The following FOXL2NB variants were observed in gnomAD, a reference collection of about 807,000 sequenced individuals.
The protein encoded by FOXL2NB is FOXL2 neighbor, also known as FOXL2 neighbor protein.
FOXL2NB carries 10 observed loss-of-function variants against 7.4 expected under a neutral mutation model. The observed-to-expected ratio is 1.34, with a 90% CI of 0.83 to 2.28. The LOEUF is 2.28. Ranked by LOEUF, FOXL2NB falls within the 30% of genes most tolerant of loss-of-function variation. FOXL2NB has a pLI of 0.00. For synonymous variants in FOXL2NB, 104 were observed against 105.3 expected (o/e 0.99, Z 0.08); for missense variants, 228 against 233.9 (o/e 0.97, Z 0.17).
chr3:138,947,313 C>A lies in FOXL2NB; in HGVS notation c.-52C>A. On this transcript the variant is annotated 5_prime_UTR_variant, in exon 1 of 3. Transcript: ENST00000383165. This position sits in a 1 kb window ranked among gnomAD's most constrained non-coding sequence, Gnocchi z 5.2. The stretch of plus-strand genomic sequence containing the variant: ...CTCAGGGGCCCAGCCGACAGCCAGG[C>A]TCACGCGCCCTTGAAATCTGCCGGT... 6.9e-7 allele frequency: 1 copy of A among 1,441,688 alleles called. No homozygotes were observed. The highest frequency in any genetic ancestry group is 9.5e-7 in the Non-Finnish European group (1 of 1,057,124). The allele number at this position is 1,441,688 out of a possible 1,614,324, so 89.3% of individuals were successfully genotyped here.
rs868263406 is a variant in FOXL2NB, at chr3:138,949,815, C to T, written c.220+176C>T. 2 of 879,784 alleles carry T rather than the reference C, an allele frequency of 2.3e-6. No homozygotes were observed. Among genetic ancestry groups the T allele is most frequent in the South Asian group, 2.8e-5 (2 of 71,368 alleles). 54.5% of individuals were successfully genotyped at this position (879,784 alleles called of 1,614,324 possible). ...GAACCGGGCGCTCCAGGAAACGGTG[C>T]GGGGCGCCCTGATTTACTTCTCAAC... On this transcript the variant is annotated intron_variant, in intron 2 of 2. Coordinates refer to ENST00000383165, the MANE Select transcript of FOXL2NB (RefSeq NM_001040061.3). This position sits in a 1 kb window ranked among gnomAD's most constrained non-coding sequence, Gnocchi z 4.5.
intron 1 of FOXL2NB, among the ~76,000 whole-genome samples, chr3:138,948,507 C>A (rs1576471442): frequency 6.6e-6 from 1 of 152,232 alleles, no homozygotes; most frequent in Non-Finnish European, 1.5e-5. Flanking sequence ...TGTTTTGAAT[C>A]CTCAAGCCCC....
rs376474965 is a variant in FOXL2NB at position 138,949,587 on chromosome 3, C to G, written c.168C>G (p.Leu56=). 5 of 1,613,646 alleles carry G rather than the reference C, an allele frequency of 3.1e-6. No homozygotes were observed. The highest frequency in any genetic ancestry group is 4.2e-6 in the Non-Finnish European group (5 of 1,179,656). ...CCCTGGGAAGGGCTGGAATCGGTCT[C>G]CCCAAGATGTGCCTTCACATGGCTG... The part of the protein sequence containing the change: ...ACTLGRAGIG[L]PKMCLHMAVR... The change falls in exon 2 of 3, where the codon CTC becomes CTG. Residue 56 remains leucine, a synonymous_variant. Coordinates refer to ENST00000383165, the MANE Select transcript of FOXL2NB (RefSeq NM_001040061.3). This position sits in a 1 kb window ranked among gnomAD's most constrained non-coding sequence, Gnocchi z 4.5.
chr3:138,950,576 A>G lies in FOXL2NB; in HGVS notation c.*4A>G. 6.2e-7 allele frequency: 1 copy of G among 1,613,712 alleles called. No homozygotes were observed. Among genetic ancestry groups the G allele is most frequent in the Non-Finnish European group, 8.5e-7 (1 of 1,179,936 alleles). The stretch of plus-strand genomic sequence containing the variant: ...GAAGCTTCACTGTGTCTATTAGTAC[A>G]TCCCCATACACTCCACGCCTCAACA... On this transcript the variant is annotated 3_prime_UTR_variant, in exon 3 of 3. Transcript: ENST00000383165.
rs1936057305 is a variant in FOXL2NB at position 138,949,039 on chromosome 3, C to T, written c.101-481C>T. Among the ~76,000 whole-genome samples the T allele has an allele frequency of 6.6e-6, 1 of 152,182 alleles. No individual in the cohort carries two copies. The highest frequency in any genetic ancestry group is 6.5e-5 in the Admixed American group (1 of 15,286). ...AGATGTTTTTCTTCTTCCTTACCCCCATCCTTGCCCAAGCTTTGGGTGGGA... is the reference window on the plus strand; with the variant it reads ...AGATGTTTTTCTTCTTCCTTACCCCTATCCTTGCCCAAGCTTTGGGTGGGA... On this transcript the variant is annotated intron_variant, in intron 1 of 2. Transcript: ENST00000383165. The surrounding 1 kb of genome is among the most constrained non-coding windows in gnomAD (Gnocchi z 4.5).
Position 138,949,479 on chromosome 3 carries a change from C to T in FOXL2NB, c.101-41C>T. On this transcript the variant is annotated intron_variant, in intron 1 of 2. Transcript: ENST00000383165. The surrounding 1 kb of genome is among the most constrained non-coding windows in gnomAD (Gnocchi z 4.5). The stretch of plus-strand genomic sequence containing the variant: ...ATTTTCAGAATAGAAAGGAGTTCTG[C>T]TCTGAAAATACTGATTTCTGACTGT... 1 of 1,612,404 alleles carries T rather than the reference C, an allele frequency of 6.2e-7. No homozygotes were observed. The highest frequency in any genetic ancestry group is 8.5e-7 in the Non-Finnish European group (1 of 1,179,300).
Position 138,949,391 on chromosome 3 carries a change from CGTGTGT to C in FOXL2NB, c.101-108_101-103del, listed in dbSNP as rs5852928. The C allele has an allele frequency of 1.8e-4, 147 of 817,690 alleles. No homozygotes were observed. The highest frequency in any genetic ancestry group is 3.5e-4 in the Middle Eastern group (1 of 2,824). The allele number at this position is 817,690 out of a possible 1,614,324, so 50.7% of individuals were successfully genotyped here. ...AAGAGCCTGTGTGTGTATGCATGTG[CGTGTGT>C]GTGTGTGTGTGTGTGTGTGTAGGGG... is the stretch of plus-strand genomic sequence containing the variant. On this transcript the variant is annotated intron_variant, in intron 1 of 2. Transcript: ENST00000383165. The surrounding 1 kb of genome is among the most constrained non-coding windows in gnomAD (Gnocchi z 4.5).
chr3:138,949,769 C>T lies in FOXL2NB; in HGVS notation c.220+130C>T. On this transcript the variant is annotated intron_variant, in intron 2 of 2. Coordinates refer to ENST00000383165, the MANE Select transcript of FOXL2NB (RefSeq NM_001040061.3). This position sits in a 1 kb window ranked among gnomAD's most constrained non-coding sequence, Gnocchi z 4.5. ...GGGAGAGAACAGAATCCTCTCCTTG[C>T]CGGCCCAGCCAGAGGTGGGTGAACC... The T allele has an allele frequency of 1.5e-6, 2 of 1,373,898 alleles. No homozygotes were observed. Among genetic ancestry groups the T allele is most frequent in the Non-Finnish European group, 1.0e-6 (1 of 982,864 alleles). The allele number at this position is 1,373,898 out of a possible 1,614,324, so 85.1% of individuals were successfully genotyped here. A position where few individuals can be genotyped will look rare whatever the true frequency, so the allele number is the denominator to read the frequency against.
Position 138,947,402 on chromosome 3 carries a change from C to G in FOXL2NB, c.38C>G (p.Pro13Arg). The change falls in exon 1 of 3, where the codon CCA becomes CGA. Residue 13 changes from proline to arginine, a missense_variant. Physicochemically the swap from Pro to Arg is moderately radical, Grantham distance 103. Transcript: ENST00000383165. The surrounding 1 kb of genome is among the most constrained non-coding windows in gnomAD (Gnocchi z 5.2). The stretch of plus-strand genomic sequence containing the variant: ...CCGGTGGGGTCTGCCCGCACCCGGC[C>G]AAAGCCCAGGAAGCTCGGGCCCCAG... ...RTPVGSARTR[P>R]KPRKLGPQRG... is the part of the protein sequence containing the mutation. 6.5e-7 allele frequency: 1 copy of G among 1,546,674 alleles called. No individual in the cohort carries two copies. The highest frequency in any genetic ancestry group is 8.7e-7 in the Non-Finnish European group (1 of 1,144,602).
Position 138,949,770 on chromosome 3 carries a change from C to G in FOXL2NB, c.220+131C>G, listed in dbSNP as rs780888897. 5.1e-6 allele frequency: 7 copies of G among 1,374,744 alleles called. No homozygotes were observed. In the South Asian group the frequency reaches 5.9e-5, roughly 12 times the overall value. The allele number at this position is 1,374,744 out of a possible 1,614,324, so 85.2% of individuals were successfully genotyped here. On this transcript the variant is annotated intron_variant, in intron 2 of 2. Transcript: ENST00000383165. The surrounding 1 kb of genome is among the most constrained non-coding windows in gnomAD (Gnocchi z 4.5). Reference sequence around the variant, plus strand: ...GGAGAGAACAGAATCCTCTCCTTGCCGGCCCAGCCAGAGGTGGGTGAACCG... The same window carrying G: ...GGAGAGAACAGAATCCTCTCCTTGCGGGCCCAGCCAGAGGTGGGTGAACCG...
In FOXL2NB at chr3:138,948,919, G is replaced by GT. The variant is rs760867983; in HGVS notation, c.101-593dup. 2.4e-3 allele frequency among the ~76,000 whole-genome samples: 364 copies of GT among 152,222 alleles called. 6 individuals carry two copies. The highest frequency in any genetic ancestry group is 7.8e-3 in the African/African-American group (324 of 41,536). On this transcript the variant is annotated intron_variant, in intron 1 of 2. Transcript: ENST00000383165. ...GCAAGGCTATCCCCAAAGTAGCTTG[G>GT]TTTTTTTTATGGGCGGTCTCCCACT...
Position 138,949,558 on chromosome 3 carries a change from T to G in FOXL2NB, c.139T>G (p.Cys47Gly), listed in dbSNP as rs72976938. Residue 47 changes from cysteine (C) to glycine (G), a missense_variant, in exon 2 of 3, where the codon TGC (cysteine) becomes GGC (glycine). By Grantham distance (159) the Cys-to-Gly change is radical. Transcript: ENST00000383165. The surrounding 1 kb of genome is among the most constrained non-coding windows in gnomAD (Gnocchi z 4.5). ...GGTGAAGAAGAGGATGCCTGATGCG[T>G]GCACCCTGGGAAGGGCTGGAATCGG... ...ALVKKRMPDA[C>G]TLGRAGIGLP... is the part of the protein sequence containing the mutation. 4.2e-4 allele frequency: 671 copies of G among 1,614,124 alleles called. 2 individuals carry two copies. In the African/African-American group the frequency reaches 8.2e-3, roughly 20 times the overall value.
chr3:138,947,932 A>G lies in FOXL2NB; in HGVS notation c.100+468A>G, dbSNP rs977392362. The stretch of plus-strand genomic sequence containing the variant: ...GTGTATGTGTGTGCACAGGGGTCAC[A>G]TATGGAAGTCATGGAGAGGAGCTGT... On this transcript the variant is annotated intron_variant, in intron 1 of 2. Transcript: ENST00000383165. This position sits in a 1 kb window ranked among gnomAD's most constrained non-coding sequence, Gnocchi z 5.2. 6.1e-6 allele frequency: 6 copies of G among 986,768 alleles called. No homozygotes were observed. The African/African-American group carries it at 7.0e-5, about 11-fold the overall frequency. 61.1% of individuals were successfully genotyped at this position (986,768 alleles called of 1,614,324 possible).
At chr3:138,950,226 CAATCT>C (rs1936098433) in intron 2 of FOXL2NB, 34 bp from the exon 3 acceptor site, 1 of 1,574,620 alleles carries the variant, frequency 6.4e-7, no homozygotes, top group African/African-American at 1.4e-5. Context: ...CCGGCGCGAG[CAATCT>C]ACACGGCTCT....
chr3:138,947,718 G>C lies in FOXL2NB; in HGVS notation c.100+254G>C, dbSNP rs1936018784. 1.2e-5 allele frequency: 15 copies of C among 1,225,602 alleles called. No homozygotes were observed. In the South Asian group the frequency reaches 3.8e-4, roughly 31 times the overall value. 75.9% of individuals were successfully genotyped at this position (1,225,602 alleles called of 1,614,324 possible). A position where few individuals can be genotyped will look rare whatever the true frequency, so the allele number is the denominator to read the frequency against. ...GGGGAGAGGATCTCTGGAAATAGTC[G>C]TCAGGGGCGCCGCCTGAATCACCTC... On this transcript the variant is annotated intron_variant, in intron 1 of 2. Coordinates refer to ENST00000383165, the MANE Select transcript of FOXL2NB (RefSeq NM_001040061.3). The surrounding 1 kb of genome is among the most constrained non-coding windows in gnomAD (Gnocchi z 5.2).
In FOXL2NB at chr3:138,949,416, GTA is replaced by G; in HGVS notation, c.101-103_101-102del. On this transcript the variant is annotated intron_variant, in intron 1 of 2. Transcript: ENST00000383165. This position sits in a 1 kb window ranked among gnomAD's most constrained non-coding sequence, Gnocchi z 4.5. The stretch of plus-strand genomic sequence containing the variant: ...CGTGTGTGTGTGTGTGTGTGTGTGT[GTA>G]GGGGTTGGGGGCAAATGAAGGAGTT... 1.3e-5 allele frequency: 16 copies of G among 1,246,466 alleles called. No homozygotes were observed. The highest frequency in any genetic ancestry group is 2.8e-5 in the South Asian group (2 of 72,696). The allele number at this position is 1,246,466 out of a possible 1,614,324, so 77.2% of individuals were successfully genotyped here. A position where few individuals can be genotyped will look rare whatever the true frequency, so the allele number is the denominator to read the frequency against.
chr3:138,947,703 T>G lies in FOXL2NB; in HGVS notation c.100+239T>G. ...GGCTGGAATGGGGCAGGGGAGAGGA[T>G]CTCTGGAAATAGTCGTCAGGGGCGC... On this transcript the variant is annotated intron_variant, in intron 1 of 2. Transcript: ENST00000383165. This position sits in a 1 kb window ranked among gnomAD's most constrained non-coding sequence, Gnocchi z 5.2. 3.2e-6 allele frequency: 4 copies of G among 1,259,242 alleles called. No individual in the cohort carries two copies. The highest frequency in any genetic ancestry group is 3.0e-6 in the Non-Finnish European group (3 of 1,002,780). 78.0% of individuals were successfully genotyped at this position (1,259,242 alleles called of 1,614,324 possible). A position where few individuals can be genotyped will look rare whatever the true frequency, so the allele number is the denominator to read the frequency against.
chr3:138,950,975 G>A lies in FOXL2NB; in HGVS notation c.*403G>A. 4.2e-6 allele frequency: 1 copy of A among 240,128 alleles called. No homozygotes were observed. The highest frequency in any genetic ancestry group is 5.2e-5 in the South Asian group (1 of 19,234). 14.9% of individuals were successfully genotyped at this position (240,128 alleles called of 1,614,324 possible). ...TCCTTGGCCTGTGATTCGGGTGACT[G>A]GGCTGCCACCTGGGTGTTTTCATGA... On this transcript the variant is annotated 3_prime_UTR_variant, in exon 3 of 3. Coordinates refer to ENST00000383165, the MANE Select transcript of FOXL2NB (RefSeq NM_001040061.3).
Position 138,950,300 on chromosome 3 carries a change from G to A in FOXL2NB, c.256G>A (p.Ala86Thr). ...GILQQRQKPP[A>T]PRASGGPALL... ...CCTGCAACAGCGGCAGAAGCCGCCC[G>A]CGCCTCGGGCTTCCGGCGGCCCAGC... Residue 86 changes from alanine (A) to threonine (T), a missense_variant, in exon 3 of 3, where the codon GCG becomes ACG. Ala to Thr is a moderately conservative substitution (Grantham distance 58, BLOSUM62 0). Coordinates refer to ENST00000383165, the MANE Select transcript of FOXL2NB (RefSeq NM_001040061.3). 6.2e-7 allele frequency: 1 copy of A among 1,606,136 alleles called. No homozygotes were observed. The highest frequency in any genetic ancestry group is 8.5e-7 in the Non-Finnish European group (1 of 1,178,030).
Sources: gnomAD v4.1 joint callset for allele counts (sites outside exome capture counted in the v4.1 genomes callset) on GRCh38, gnomAD v4.1.1 for gene constraint, Gnocchi (gnomAD v3.1) non-coding constraint, MANE v1.5 for transcripts, NCBI Gene and HGNC (gene_info 2026-07-23, HGNC 2026-07-21) for gene names.